The following SHISA9 variants were observed in gnomAD, a reference collection of about 807,000 sequenced individuals.
SHISA9 encodes shisa family member 9, also known as protein shisa-9.
A neutral mutation model predicts 38.0 loss-of-function variants in SHISA9; 13 were observed. That is an observed-to-expected ratio of 0.34 (90% CI 0.22 to 0.54). The LOEUF is 0.54. Among genes scored for constraint, SHISA9 ranks in the 20% least tolerant of loss-of-function variants. The pLI is 0.91. For missense variants in SHISA9, 538 were observed against 575.8 expected (o/e 0.93, Z 0.67); for synonymous variants, 275 against 242.0 (o/e 1.14, Z -1.27).
At chr16:12,919,365 G>A (rs1006710165) in intron 2 of SHISA9, among the ~76,000 whole-genome samples, 2 of 152,152 alleles carry the variant, frequency 1.3e-5, no homozygotes, top group Non-Finnish European at 2.9e-5. Flanking sequence ...AGAAGGGCAC[G>A]TCATGCTATT....
At chr16:12,959,401 C>T (rs1214526291) in intron 2 of SHISA9, among the ~76,000 whole-genome samples, 1 of 152,198 alleles carries the variant, frequency 6.6e-6, no homozygotes, top group African/African-American at 2.4e-5. Context: ...GTATCCACAT[C>T]AGCAGAGGAA....
At position 13,171,887 on chromosome 16, in the gene SHISA9, C is replaced by T. The variant is rs139532512; in HGVS notation, c.692-31507C>T. On this transcript the variant is annotated intron_variant, in intron 2 of 4. Coordinates refer to ENST00000558583, the MANE Select transcript of SHISA9 (RefSeq NM_001145204.3). ...ATGCTGAGTGAATAGCTTTCTCTCTCGGATTCTCTCCTCATTTGTTAAATG... is the reference window on the plus strand; with the variant it reads ...ATGCTGAGTGAATAGCTTTCTCTCTTGGATTCTCTCCTCATTTGTTAAATG... Among the ~76,000 whole-genome samples, 7 of 152,226 alleles carry T rather than the reference C, an allele frequency of 4.6e-5. No individual in the cohort carries two copies. The East Asian group carries it at 5.8e-4, about 13-fold the overall frequency.
chr16:13,475,236 C>T, the SHISA9 span, among the ~76,000 whole-genome samples: 3 of 151,104 alleles, frequency 2.0e-5, no homozygotes, highest in Admixed American at 1.3e-4. Context: ...GGCTTACAGG[C>T]GATGAGAAAA....
chr16:12,949,143 G>C (rs1270522128), intron 2 of SHISA9, among the ~76,000 whole-genome samples: 1 of 152,150 alleles, frequency 6.6e-6, no homozygotes, highest in African/African-American at 2.4e-5. Context: ...AAGTTCCCTA[G>C]GAGCAGAGCC....
the SHISA9 span, among the ~76,000 whole-genome samples, chr16:13,498,481 G>A: frequency 6.6e-6 from 1 of 152,258 alleles, no homozygotes; most frequent in Middle Eastern, 3.4e-3. Context: ...TCACGGCTGG[G>A]CGCAGTGGCT....
At chr16:13,023,505 C>G (rs1461185652) in intron 2 of SHISA9, among the ~76,000 whole-genome samples, 4 of 152,150 alleles carry the variant, frequency 2.6e-5, no homozygotes, top group Admixed American at 1.3e-4. Context: ...TTTATAGTAG[C>G]ATGATTTATA....
the SHISA9 span, among the ~76,000 whole-genome samples, chr16:13,409,756 GT>G: frequency 6.6e-6 from 1 of 152,218 alleles, no homozygotes; most frequent in African/African-American, 2.4e-5. Flanking sequence ...CAAGAGAGAA[GT>G]TCAGGTGGAA....
At chr16:13,061,809 T>C (rs1305826431) in intron 2 of SHISA9, among the ~76,000 whole-genome samples, 1 of 152,068 alleles carries the variant, frequency 6.6e-6, no homozygotes, top group Non-Finnish European at 1.5e-5. Context: ...TACGAAGTGA[T>C]GGGTTGGGCC....
the SHISA9 span, among the ~76,000 whole-genome samples, chr16:13,488,247 C>CA: frequency 0.16 from 18,792 of 118,784 alleles, 1,230 homozygotes; most frequent in Middle Eastern, 0.23. Context: ...CCTCAAAATG[C>CA]AAAAAAAAAA....
chr16:12,942,080 G>C (rs1342106521), intron 2 of SHISA9, among the ~76,000 whole-genome samples: 1 of 152,174 alleles, frequency 6.6e-6, no homozygotes, highest in African/African-American at 2.4e-5. Context: ...GTGACAGCCT[G>C]ATGGTAATGT....
the SHISA9 span, among the ~76,000 whole-genome samples, chr16:13,413,781 A>T: frequency 2.7e-3 from 403 of 151,392 alleles, 1 homozygote; most frequent in Non-Finnish European, 4.8e-3. Flanking sequence ...AAAAAAAAAA[A>T]AAAAGACATG....
At chr16:13,449,797 C>A in the SHISA9 span, among the ~76,000 whole-genome samples, 3 of 152,080 alleles carry the variant, frequency 2.0e-5, no homozygotes, top group African/African-American at 7.2e-5. Flanking sequence ...CTGGGGAGAA[C>A]CTCATTGTCT....
the SHISA9 span, among the ~76,000 whole-genome samples, chr16:13,428,913 A>C: frequency 1.3e-5 from 2 of 151,876 alleles, no homozygotes; most frequent in African/African-American, 2.4e-5. Context: ...TTACAGGTGC[A>C]TGCCACCAGG....
chr16:13,247,965 T>C, the SHISA9 span, among the ~76,000 whole-genome samples: 1 of 152,264 alleles, frequency 6.6e-6, no homozygotes, highest in Admixed American at 6.5e-5. Flanking sequence ...TATTTTCTGG[T>C]AATTTGAAGC....
intron 2 of SHISA9, among the ~76,000 whole-genome samples, chr16:13,015,476 G>A (rs2072730123): frequency 6.6e-6 from 1 of 152,254 alleles, no homozygotes; most frequent in African/African-American, 2.4e-5. Context: ...TTGGACTCCA[G>A]TCGGCATCTC....
chr16:13,113,132 C>T (rs1218830467), intron 2 of SHISA9, among the ~76,000 whole-genome samples: 1 of 149,296 alleles, frequency 6.7e-6, no homozygotes, highest in Non-Finnish European at 1.5e-5. Flanking sequence ...ATCGCTTCAA[C>T]CCAGAAGGCA....
the SHISA9 span, among the ~76,000 whole-genome samples, chr16:13,305,498 C>T: frequency 6.6e-6 from 1 of 152,148 alleles, no homozygotes; most frequent in African/African-American, 2.4e-5. Context: ...TGGTTTCTAT[C>T]CTGTCTTCCC....
intron 2 of SHISA9, among the ~76,000 whole-genome samples, chr16:12,935,612 C>G (rs1242729239): frequency 6.6e-6 from 1 of 152,068 alleles, no homozygotes; most frequent in Non-Finnish European, 1.5e-5. Context: ...CTTTGGGAGG[C>G]TGAGGCAGGT....
chr16:13,095,487 A>G (rs1290624863), intron 2 of SHISA9, among the ~76,000 whole-genome samples: 1 of 152,220 alleles, frequency 6.6e-6, no homozygotes, highest in African/African-American at 2.4e-5. Flanking sequence ...ACGAAAAGGG[A>G]AATGGTGGTG....
Sources: gnomAD v4.1 joint callset for allele counts (sites outside exome capture counted in the v4.1 genomes callset) on GRCh38, gnomAD v4.1.1 for gene constraint, MANE v1.5 for transcripts, NCBI Gene and HGNC (gene_info 2026-07-23, HGNC 2026-07-21) for gene names.